Variants in MYO16 observed in about 807,000 individuals in gnomAD.
MYO16 encodes myosin XVI.
MYO16 carries 94 observed loss-of-function variants against 205.3 expected under a neutral mutation model. The ratio of observed to expected loss-of-function variants is 0.46; its 90% CI spans 0.39 to 0.54. The LOEUF is 0.54. Ranked by LOEUF, MYO16 falls within the 20% of genes least tolerant of loss-of-function variation. The probability of loss-of-function intolerance (pLI) is 0.00; values close to 1 mark genes in which losing one functional copy is unlikely to be tolerated. For synonymous variants in MYO16, 988 were observed against 954.0 expected (o/e 1.04, Z -0.66); for missense variants, 2,315 against 2,387.5 (o/e 0.97, Z 0.63).
chr13:109,109,957 T>C (rs112001194), intron 28 of MYO16, among the ~76,000 whole-genome samples: 1 of 152,202 alleles, frequency 6.6e-6, no homozygotes, highest in South Asian at 2.1e-4. Flanking sequence ...CATGGTATCA[T>C]GTTTTTAGAA....
chr13:108,570,142 G>T, the MYO16 span, among the ~76,000 whole-genome samples: 7 of 152,036 alleles, frequency 4.6e-5, no homozygotes, highest in African/African-American at 1.7e-4. Context: ...TAATTACTTA[G>T]GGTGTGTTTT....
In MYO16 at chr13:109,125,259, A is replaced by G; in HGVS notation, c.3683A>G (p.Asp1228Gly). The G allele has an allele frequency of 6.2e-7, 1 of 1,614,136 alleles. No homozygotes were observed. The highest frequency in any genetic ancestry group is 8.5e-7 in the Non-Finnish European group (1 of 1,180,032). Reference sequence around the variant, plus strand: ...GCCCTGGTCATTCAGAATGCTTCAGACATTGCCCGGGAAAATGACCGGCTC... The same window carrying G: ...GCCCTGGTCATTCAGAATGCTTCAGGCATTGCCCGGGAAAATGACCGGCTC... Reference protein sequence around the residue: ...YDALVIQNASDIARENDRLRS... With the variant: ...YDALVIQNASGIARENDRLRS... The change falls in exon 30 of 35, where the codon GAC becomes GGC. Residue 1228 changes from aspartate (D) to glycine (G), a missense_variant. Asp to Gly is a moderately conservative substitution (Grantham distance 94). Around this residue, in one of 3 missense-constraint regions of MYO16, gnomAD observed 1,097 missense variants for 1,092.0 expected, o/e 1.00. Coordinates refer to ENST00000457511, the MANE Select transcript of MYO16 (RefSeq NM_001198950.3). The surrounding 1 kb of genome is among the most constrained non-coding windows in gnomAD (Gnocchi z 4.0).
chr13:108,692,005 C>T (rs1882916248), intron 2 of MYO16, among the ~76,000 whole-genome samples: 1 of 152,152 alleles, frequency 6.6e-6, no homozygotes, highest in Non-Finnish European at 1.5e-5. Flanking sequence ...TTTTTACTGT[C>T]CCTAAGTTGA....
chr13:108,590,921 C>T, the MYO16 span, among the ~76,000 whole-genome samples: 1 of 152,164 alleles, frequency 6.6e-6, no homozygotes, highest in Non-Finnish European at 1.5e-5. Context: ...TGTAAGCCAC[C>T]ATGTTTGTGC....
chr13:109,020,013 A>C, intron 23 of MYO16, 102 bp downstream of exon 23: 1 of 1,206,988 alleles, frequency 8.3e-7, no homozygotes, highest in East Asian at 2.5e-5. Flanking sequence ...TTATTTGGAT[A>C]AATGGAAGCT....
intron 16 of MYO16, among the ~76,000 whole-genome samples, chr13:108,930,681 T>C (rs1032476809): frequency 6.6e-6 from 1 of 152,150 alleles, no homozygotes; most frequent in Non-Finnish European, 1.5e-5. Context: ...CCTGTATCTT[T>C]TTAGCATTGA....
At chr13:108,547,187 G>T in the MYO16 span, among the ~76,000 whole-genome samples, 1 of 151,312 alleles carries the variant, frequency 6.6e-6, no homozygotes, top group Non-Finnish European at 1.5e-5. Context: ...CAGGAGCATG[G>T]CATGAACCTG....
chr13:108,583,675 A>T, the MYO16 span, among the ~76,000 whole-genome samples: 2 of 152,316 alleles, frequency 1.3e-5, no homozygotes, highest in East Asian at 3.9e-4. Context: ...ATGACGAATG[A>T]TAATAATTTG....
chr13:108,861,145 C>T (rs1445567975), intron 11 of MYO16, among the ~76,000 whole-genome samples: 2 of 152,030 alleles, frequency 1.3e-5, no homozygotes, highest in Non-Finnish European at 2.9e-5. Flanking sequence ...ACTTCATGAA[C>T]ACACCCACGT....
chr13:108,831,915 T>C (rs1041079288), intron 9 of MYO16, among the ~76,000 whole-genome samples: 1 of 152,182 alleles, frequency 6.6e-6, no homozygotes, highest in Non-Finnish European at 1.5e-5. Flanking sequence ...TTTCTGCTTT[T>C]CTTGTTATGT....
At chr13:109,157,403 C>A (rs949998790) in intron 32 of MYO16, among the ~76,000 whole-genome samples, 1 of 152,160 alleles carries the variant, frequency 6.6e-6, no homozygotes, top group Non-Finnish European at 1.5e-5. Flanking sequence ...CCCTCCCTCA[C>A]GAGTGCAGTC....
rs183778983 is a variant in MYO16 at position 108,943,458 on chromosome 13, A to C, written c.1926-14230A>C. Among the ~76,000 whole-genome samples the C allele has an allele frequency of 5.9e-3, 899 of 151,374 alleles. 6 individuals are homozygous for C. Among genetic ancestry groups the C allele is most frequent in the African/African-American group, 0.02 (807 of 41,248 alleles). On this transcript the variant is annotated intron_variant, in intron 16 of 34. Coordinates refer to ENST00000457511, the MANE Select transcript of MYO16 (RefSeq NM_001198950.3). ...ATGAACCTTGTTTCCTCTTTTTTTT[A>C]TTTTTTTTATTTTTTTTGAGACGGA...
At chr13:108,939,188 C>G (rs1882617821) in intron 16 of MYO16, among the ~76,000 whole-genome samples, 1 of 152,200 alleles carries the variant, frequency 6.6e-6, no homozygotes, top group Non-Finnish European at 1.5e-5. Context: ...CATCCTGTTC[C>G]CAGTCCTGGG....
At chr13:108,564,120 G>A in the MYO16 span, among the ~76,000 whole-genome samples, 90 of 149,552 alleles carry the variant, frequency 6.0e-4, no homozygotes, top group East Asian at 0.016. Context: ...TCATATGCCC[G>A]TTTCATTTGT....
intron 7 of MYO16, among the ~76,000 whole-genome samples, chr13:108,809,049 T>C (rs200693310): frequency 6.6e-6 from 1 of 152,202 alleles, no homozygotes; most frequent in East Asian, 1.9e-4. Flanking sequence ...TTCTTTCAAA[T>C]TAGAGAAACA....
the MYO16 span, among the ~76,000 whole-genome samples, chr13:108,500,984 G>A: frequency 0.25 from 38,715 of 151,850 alleles, 5,162 homozygotes; most frequent in East Asian, 0.33. Context: ...GGAACTTAGC[G>A]TTTCTGAATA....
At chr13:108,855,177 GAC>G (rs923322728) in intron 10 of MYO16, 40 of 324,752 alleles carry the variant, frequency 1.2e-4, no homozygotes, top group Admixed American at 4.3e-5. Context: ...CATCTTGACA[GAC>G]CTAATGCCTG....
intron 16 of MYO16, among the ~76,000 whole-genome samples, chr13:108,912,788 C>T (rs1269256818): frequency 6.6e-6 from 1 of 151,948 alleles, no homozygotes; most frequent in Non-Finnish European, 1.5e-5. Flanking sequence ...AGCTCAAAGC[C>T]TCAAGCAGAT....
chr13:108,756,874 G>T (rs1423260656), intron 4 of MYO16, among the ~76,000 whole-genome samples: 2 of 152,080 alleles, frequency 1.3e-5, no homozygotes, highest in Non-Finnish European at 2.9e-5. Flanking sequence ...ATATTCTATG[G>T]ATAATTTTAT....
Sources: allele counts gnomAD v4.1 joint callset (sites outside exome capture counted in the v4.1 genomes callset), GRCh38; gene constraint gnomAD v4.1.1; regional missense constraint gnomAD v4.1.1; non-coding constraint Gnocchi (gnomAD v3.1); transcripts MANE v1.5; gene names NCBI Gene and HGNC (gene_info 2026-07-23, HGNC 2026-07-21).